Variants in EPS15 observed in about 807,000 individuals in gnomAD.
EPS15 encodes the protein epidermal growth factor receptor pathway substrate 15, also known as epidermal growth factor receptor substrate 15.
Under a neutral mutation model 113.8 loss-of-function variants are expected in EPS15, and 72 were observed. The ratio of observed to expected loss-of-function variants is 0.63; its 90% CI spans 0.52 to 0.77. The LOEUF (loss-of-function observed/expected upper bound fraction) is 0.77. Ranked by LOEUF, EPS15 falls within the 30% of genes least tolerant of loss-of-function variation. EPS15 has a pLI of 0.00. For missense variants in EPS15, 1,048 were observed against 1,045.8 expected (o/e 1.00, Z -0.03); for synonymous variants, 344 against 363.4 (o/e 0.95, Z 0.61).
intron 21 of EPS15, among the ~76,000 whole-genome samples, chr1:51,377,048 C>T (rs1034497811): frequency 5.9e-5 from 9 of 152,092 alleles, no homozygotes; most frequent in African/African-American, 1.9e-4. Context: ...GGGTGGATCG[C>T]CTGAGGTCAG....
intron 12 of EPS15, among the ~76,000 whole-genome samples, chr1:51,430,120 T>C (rs531556631): frequency 1.3e-5 from 2 of 152,284 alleles, no homozygotes; most frequent in East Asian, 3.9e-4. Flanking sequence ...TGATGACAAT[T>C]GCTAGAAAGG....
At chr1:51,480,299 G>C (rs892512562) in intron 2 of EPS15, among the ~76,000 whole-genome samples, 6 of 152,158 alleles carry the variant, frequency 3.9e-5, no homozygotes, top group African/African-American at 1.4e-4. Flanking sequence ...CTTGAAAATG[G>C]GCAAATAAGA....
chr1:51,387,043 G>A (rs1279823782), intron 21 of EPS15, among the ~76,000 whole-genome samples: 2 of 152,222 alleles, frequency 1.3e-5, no homozygotes, highest in East Asian at 3.9e-4. Context: ...TGAAATGAAG[G>A]AAAAAAGGTT....
chr1:51,427,870 T>C (rs575893092), intron 12 of EPS15, among the ~76,000 whole-genome samples: 1 of 152,252 alleles, frequency 6.6e-6, no homozygotes, highest in African/African-American at 2.4e-5. Context: ...AATATCTGCA[T>C]CTACAGATCT....
chr1:51,376,534 T>A (rs1443581369), intron 21 of EPS15, among the ~76,000 whole-genome samples: 2 of 152,098 alleles, frequency 1.3e-5, no homozygotes, highest in Non-Finnish European at 2.9e-5. Context: ...TGTGGTGGCA[T>A]GTGCCTGTAG....
intron 20 of EPS15, among the ~76,000 whole-genome samples, chr1:51,395,006 C>T (rs1647786743): frequency 6.6e-6 from 1 of 151,994 alleles, no homozygotes; most frequent in East Asian, 1.9e-4. Context: ...ATAGCTGGGA[C>T]CGCAGGTGTA....
intron 20 of EPS15, among the ~76,000 whole-genome samples, chr1:51,397,820 T>C (rs1186487020): frequency 6.6e-6 from 1 of 152,130 alleles, no homozygotes; most frequent in Non-Finnish European, 1.5e-5. Context: ...AGAAGACAAA[T>C]TTTTTGCTTC....
At position 51,354,598 on chromosome 1, in the gene EPS15, G is replaced by A. The variant is rs1220540173; in HGVS notation, c.*2102C>T. Reference sequence around the variant, plus strand: ...ACTTAGCTCTGGGCAATACTTATCTGTCCTTTTCAAGCACAGGCCCTGGAG... The same window carrying A: ...ACTTAGCTCTGGGCAATACTTATCTATCCTTTTCAAGCACAGGCCCTGGAG... On this transcript the variant is annotated 3_prime_UTR_variant, in exon 25 of 25. Coordinates refer to ENST00000371733, the MANE Select transcript of EPS15 (RefSeq NM_001981.3). 3.6e-5 allele frequency: 6 copies of A among 167,004 alleles called. No homozygotes were observed. The East Asian group carries it at 7.1e-4, about 20-fold the overall frequency. The allele number at this position is 167,004 out of a possible 1,614,324, so 10.3% of individuals were successfully genotyped here.
In EPS15 at chr1:51,358,282, C is replaced by A. The variant is rs960234376; in HGVS notation, c.2545-1436G>T. 1.1e-4 allele frequency among the ~76,000 whole-genome samples: 17 copies of A among 150,960 alleles called. No homozygotes were observed. The East Asian group carries it at 2.3e-3, about 21-fold the overall frequency. On this transcript the variant is annotated intron_variant, in intron 24 of 24. Transcript: ENST00000371733. ...CTCCAGCCAGATCGACGGAGTGAGC[C>A]AAAAAAAATAAAAATAAAACAAAAA...
chr1:51,363,957 T>C lies in EPS15; in HGVS notation c.2268A>G (p.Val756=). ...SVSNVVITKN[V]FEETSVKSED... ...CACTTTTGACCGATGTTTCCTCAAA[T>C]ACATTTTTTGTAATCACTACGTTGC... is the stretch of plus-strand genomic sequence containing the variant. Residue 756 remains valine (V), a synonymous_variant, in exon 23 of 25, where the codon GTA becomes GTG. Coordinates refer to ENST00000371733, the MANE Select transcript of EPS15 (RefSeq NM_001981.3). The C allele has an allele frequency of 2.5e-6, 4 of 1,613,896 alleles. No individual in the cohort carries two copies. Among genetic ancestry groups the C allele is most frequent in the Non-Finnish European group, 3.4e-6 (4 of 1,179,902 alleles).
At chr1:51,412,249 C>G (rs888317910) in intron 13 of EPS15, among the ~76,000 whole-genome samples, 6 of 152,150 alleles carry the variant, frequency 3.9e-5, no homozygotes, top group Admixed American at 6.5e-5. Flanking sequence ...AGGACAAATA[C>G]CTAATACATG....
chr1:51,357,879 A>G (rs1038334218), intron 24 of EPS15, among the ~76,000 whole-genome samples: 1 of 151,746 alleles, frequency 6.6e-6, no homozygotes, highest in Non-Finnish European at 1.5e-5. Context: ...AGCTGGAATT[A>G]CAAGCATGCA....
At chr1:51,485,824 G>A (rs1644110578) in intron 1 of EPS15, among the ~76,000 whole-genome samples, 1 of 152,060 alleles carries the variant, frequency 6.6e-6, no homozygotes, top group Non-Finnish European at 1.5e-5. Context: ...TTGAGATGGA[G>A]TTCGCTCTTG....
At chr1:51,482,832 G>A (rs1644046374) in intron 1 of EPS15, among the ~76,000 whole-genome samples, 1 of 151,708 alleles carries the variant, frequency 6.6e-6, no homozygotes, top group South Asian at 2.1e-4. Context: ...AGAAGGGTAT[G>A]GCTTGAAAAA....
rs1357867778 is a variant in EPS15 at position 51,408,138 on chromosome 1, A to T, written c.1470T>A (p.Ser490Arg). 6.2e-7 allele frequency: 1 copy of T among 1,613,558 alleles called. No homozygotes were observed. Among genetic ancestry groups the T allele is most frequent in the Admixed American group, 1.7e-5 (1 of 60,018 alleles). ...QHLQDSQQEI[S>R]SMQMKLMEMK... ...TTCTTGCTTTACAAAGACTTACTGA[A>T]CTAATTTCCTGTTGTGAATCTTGTA... The change falls in exon 15 of 25, where the codon AGT becomes AGA. Residue 490 changes from serine (S) to arginine (R), a missense_variant. Transcript: ENST00000371733.
chr1:51,492,823 G>A (rs1195026921), intron 1 of EPS15, among the ~76,000 whole-genome samples: 1 of 152,204 alleles, frequency 6.6e-6, no homozygotes, highest in African/African-American at 2.4e-5. Flanking sequence ...TCAAATGGCA[G>A]CTGTCAGGTT....
In EPS15 at chr1:51,363,886, CTTG is replaced by C. The variant is rs1408135859; in HGVS notation, c.2336_2338del (p.Thr779del). ...CATACCAGGTGGTAGAGGGCAGGGT[CTTG>C]TTGGAGTTCCGATCTTTGGTGGCAG... On this transcript the variant is annotated inframe_deletion, in exon 23 of 25. Coordinates refer to ENST00000371733, the MANE Select transcript of EPS15 (RefSeq NM_001981.3). 1.9e-6 allele frequency: 3 copies of C among 1,613,000 alleles called. No homozygotes were observed. The highest frequency in any genetic ancestry group is 2.5e-6 in the Non-Finnish European group (3 of 1,179,482).
At chr1:51,443,304 A>G (rs12407547) in intron 11 of EPS15, among the ~76,000 whole-genome samples, 8,766 of 138,972 alleles carry the variant, frequency 0.063, 341 homozygotes, top group Non-Finnish European at 0.091. Context: ...AAGAAGGCAG[A>G]AAAAAAAAAA....
intron 21 of EPS15, among the ~76,000 whole-genome samples, chr1:51,369,448 A>C (rs1646591843): frequency 6.6e-6 from 1 of 152,212 alleles, no homozygotes; most frequent in African/African-American, 2.4e-5. Context: ...AGGGGCTATG[A>C]GCCAGCAGAA....
Sources: gnomAD v4.1 joint callset for allele counts (sites outside exome capture counted in the v4.1 genomes callset) on GRCh38, gnomAD v4.1.1 for gene constraint, MANE v1.5 for transcripts, NCBI Gene and HGNC (gene_info 2026-07-23, HGNC 2026-07-21) for gene names.